Variants in ZDHHC13 observed in about 807,000 individuals in gnomAD.
ZDHHC13 encodes palmitoyltransferase ZDHHC13.
In ZDHHC13, 85 loss-of-function variants were observed where a neutral mutation model predicts 86.0. The ratio of observed to expected loss-of-function variants is 0.99; its 90% CI spans 0.83 to 1.18. The LOEUF is 1.18. Among genes scored for constraint, ZDHHC13 ranks in the 50% most tolerant of loss-of-function variants. ZDHHC13 has a pLI of 0.00. For missense variants in ZDHHC13, 711 were observed against 730.2 expected, an observed-to-expected ratio of 0.97 and a Z score of 0.30; for synonymous variants, 263 against 246.4, an observed-to-expected ratio of 1.07 and a Z score of -0.63.
intron 5 of ZDHHC13, 22 bp from the exon 6 acceptor site, chr11:19,150,705 T>C: frequency 6.3e-7 from 1 of 1,596,780 alleles, no homozygotes; most frequent in Admixed American, 1.7e-5. Context: ...ACAGTTATGC[T>C]AATTGTCTTC....
intron 8 of ZDHHC13, among the ~76,000 whole-genome samples, chr11:19,155,581 C>CAAAAAAA (rs370534138): frequency 2.1e-5 from 1 of 46,808 alleles, no homozygotes; most frequent in Non-Finnish European, 5.3e-5. Flanking sequence ...AACTTCATCT[C>CAAAAAAA]AAAAAAAAAA....
intron 1 of ZDHHC13, among the ~76,000 whole-genome samples, chr11:19,138,139 G>A (rs1317095705): frequency 6.6e-6 from 1 of 151,686 alleles, no homozygotes; most frequent in African/African-American, 2.4e-5. Flanking sequence ...TTTTTTGAAA[G>A]GATCAACAAA....
chr11:19,146,361 T>A (rs767199439), intron 3 of ZDHHC13, 58 bp downstream of exon 3: 13 of 1,561,162 alleles, frequency 8.3e-6, no homozygotes, highest in Non-Finnish European at 1.1e-5. Context: ...CTCCTTCATT[T>A]ATCTTTTTCT....
chr11:19,173,904 A>T (rs1341003247), intron 16 of ZDHHC13, among the ~76,000 whole-genome samples: 2 of 152,186 alleles, frequency 1.3e-5, no homozygotes, highest in African/African-American at 4.8e-5. Flanking sequence ...GGGACACATG[A>T]GAGCACTAGA....
chr11:19,147,182 C>A lies in ZDHHC13; in HGVS notation c.297-414C>A, dbSNP rs535662387. Among the ~76,000 whole-genome samples, 184 of 152,206 alleles carry A rather than the reference C, an allele frequency of 1.2e-3. 1 individual carries two copies. The highest frequency in any genetic ancestry group is 4.3e-3 in the African/African-American group (179 of 41,550). On this transcript the variant is annotated intron_variant, in intron 3 of 16. Transcript: ENST00000446113. Reference sequence around the variant, plus strand: ...TACTACTTACTTTTAAAATTCATTCCCACATAGTAATTCTACTTTTAAACT... The same window carrying A: ...TACTACTTACTTTTAAAATTCATTCACACATAGTAATTCTACTTTTAAACT...
chr11:19,160,839 C>T (rs1315003321), intron 10 of ZDHHC13, among the ~76,000 whole-genome samples: 1 of 151,832 alleles, frequency 6.6e-6, no homozygotes, highest in African/African-American at 2.4e-5. Context: ...GTTTTAATCT[C>T]AGACTGCTAT....
rs955144171 is a variant in ZDHHC13 at position 19,155,784 on chromosome 11, A to C, written c.874-12A>C. The C allele has an allele frequency of 1.6e-5, 25 of 1,606,608 alleles. No homozygotes were observed. The highest frequency in any genetic ancestry group is 2.0e-5 in the Non-Finnish European group (24 of 1,178,486). ...AATCCATAAAGTTCTAAAATTCTGA[A>C]TCTCTTAATAGCTCTTCCTGCTGCT... On this transcript the variant is annotated splice_polypyrimidine_tract_variant and intron_variant, in intron 8 of 16. Coordinates refer to ENST00000446113, the MANE Select transcript of ZDHHC13 (RefSeq NM_019028.3).
At chr11:19,174,538 T>C (rs534104569) in intron 16 of ZDHHC13, among the ~76,000 whole-genome samples, 33 of 152,372 alleles carry the variant, frequency 2.2e-4, no homozygotes, top group African/African-American at 7.7e-4. Context: ...AGCAACGCAG[T>C]CATCCTCATG....
chr11:19,161,572 A>G (rs1206710230), intron 10 of ZDHHC13, among the ~76,000 whole-genome samples: 1 of 151,872 alleles, frequency 6.6e-6, no homozygotes. Flanking sequence ...TCAGCAAGTA[A>G]TGTCTGGCTT....
At chr11:19,145,254 GC>G (rs1849428760) in intron 2 of ZDHHC13, among the ~76,000 whole-genome samples, 2 of 151,860 alleles carry the variant, frequency 1.3e-5, no homozygotes, top group Admixed American at 6.6e-5. Context: ...TCTCTCTCAA[GC>G]CCATCATTCC....
At chr11:19,168,676 C>G (rs568668943) in intron 14 of ZDHHC13, 2 of 320,132 alleles carry the variant, frequency 6.2e-6, no homozygotes, top group East Asian at 3.4e-4. Flanking sequence ...AACTTGTGCT[C>G]CATTTCTCTA....
At chr11:19,138,274 A>G (rs1361555935) in intron 1 of ZDHHC13, among the ~76,000 whole-genome samples, 2 of 152,014 alleles carry the variant, frequency 1.3e-5, no homozygotes, top group Admixed American at 1.3e-4. Flanking sequence ...ATCAGAGAAT[A>G]CTACAAACAC....
At chr11:19,161,479 A>G (rs1309013656) in intron 10 of ZDHHC13, among the ~76,000 whole-genome samples, 2 of 151,940 alleles carry the variant, frequency 1.3e-5, no homozygotes, top group Admixed American at 6.6e-5. Context: ...TTGATGTGGA[A>G]GGCTGCATGT....
chr11:19,121,819 T>C (rs114907980), intron 1 of ZDHHC13, among the ~76,000 whole-genome samples: 2,440 of 152,290 alleles, frequency 0.016, 66 homozygotes, highest in African/African-American at 0.056. Context: ...TGTATTGATA[T>C]GTCCCTTTCA....
At chr11:19,149,908 G>T (rs570332022) in intron 5 of ZDHHC13, among the ~76,000 whole-genome samples, 6 of 152,316 alleles carry the variant, frequency 3.9e-5, no homozygotes, top group African/African-American at 1.4e-4. Flanking sequence ...GCATGAAAAC[G>T]TGTTTGCACA....
Position 19,176,123 on chromosome 11 carries a change from T to G in ZDHHC13, c.*163T>G, listed in dbSNP as rs1488874652. 1.7e-6 allele frequency: 1 copy of G among 599,930 alleles called. No homozygotes were observed. Among genetic ancestry groups the G allele is most frequent in the African/African-American group, 1.9e-5 (1 of 52,386 alleles). 37.2% of individuals were successfully genotyped at this position (599,930 alleles called of 1,614,324 possible). ...AAGTTCTCAATAAAGGCATTACAAT[T>G]TTTTAGGTTTAGAAAGATGGACTTT... On this transcript the variant is annotated 3_prime_UTR_variant, in exon 17 of 17. Transcript: ENST00000446113.
chr11:19,144,498 CTTATTA>C (rs1458760881), intron 2 of ZDHHC13, among the ~76,000 whole-genome samples: 1 of 150,126 alleles, frequency 6.7e-6, no homozygotes, highest in Non-Finnish European at 1.5e-5. Context: ...AATGTATATT[CTTATTA>C]TGTTTCTAAA....
chr11:19,135,023 C>T (rs114830625), intron 1 of ZDHHC13, among the ~76,000 whole-genome samples: 1 of 152,092 alleles, frequency 6.6e-6, no homozygotes, highest in Non-Finnish European at 1.5e-5. Context: ...CAGAGGAAGA[C>T]CCCCTCCCAA....
intron 1 of ZDHHC13, among the ~76,000 whole-genome samples, chr11:19,134,698 G>A (rs1051487692): frequency 3.3e-5 from 5 of 151,796 alleles, no homozygotes; most frequent in African/African-American, 9.7e-5. Flanking sequence ...TACACACTGC[G>A]GTCTGTCAGG....
Sources: gnomAD v4.1 joint callset for allele counts (sites outside exome capture counted in the v4.1 genomes callset) on GRCh38, gnomAD v4.1.1 for gene constraint, MANE v1.5 for transcripts, NCBI Gene and HGNC (gene_info 2026-07-23, HGNC 2026-07-21) for gene names.